DISP1: variants seen among roughly 807,000 people sequenced by gnomAD.
The protein encoded by DISP1 is protein dispatched homolog 1.
In DISP1, 30 loss-of-function variants were observed where a neutral mutation model predicts 37.3. That is an observed-to-expected ratio of 0.80 (90% CI 0.60 to 1.09). The LOEUF (loss-of-function observed/expected upper bound fraction) is 1.09, where lower values mean the gene tolerates loss of function less well. Among genes scored for constraint, DISP1 ranks in the 50% least tolerant of loss-of-function variants. DISP1 has a pLI of 0.00. For missense variants in DISP1, 1,598 were observed against 1,879.5 expected, an observed-to-expected ratio of 0.85 and a Z score of 2.77; for synonymous variants, 634 against 690.2, an observed-to-expected ratio of 0.92 and a Z score of 1.28.
At chr1:222,863,893 G>T (rs1669023028) in intron 1 of DISP1, among the ~76,000 whole-genome samples, 1 of 152,042 alleles carries the variant, frequency 6.6e-6, no homozygotes, top group Non-Finnish European at 1.5e-5. Context: ...AGATAGTCTA[G>T]GTCCTTCCTG....
chr1:222,835,988 G>C (rs550784614), intron 1 of DISP1, among the ~76,000 whole-genome samples: 14 of 150,600 alleles, frequency 9.3e-5, no homozygotes, highest in African/African-American at 2.7e-4. Flanking sequence ...GCTTAATTCA[G>C]CAGACTTCCT....
At chr1:222,855,920 C>T (rs1164753406) in intron 1 of DISP1, among the ~76,000 whole-genome samples, 1 of 144,346 alleles carries the variant, frequency 6.9e-6, no homozygotes. Context: ...AAAAAAAATG[C>T]AGCTGCTTGC....
At chr1:222,982,957 C>A in intron 3 of DISP1, 123 bp from the exon 4 acceptor site, 2 of 754,032 alleles carry the variant, frequency 2.7e-6, no homozygotes, top group African/African-American at 1.8e-5. Context: ...TTTAACACTT[C>A]CAAGATTCTT....
At chr1:222,916,367 A>G (rs886193217) in intron 1 of DISP1, among the ~76,000 whole-genome samples, 3 of 152,226 alleles carry the variant, frequency 2.0e-5, no homozygotes, top group African/African-American at 7.2e-5. Flanking sequence ...TCTGGCTAAC[A>G]GCCCAGTAAA....
chr1:222,991,704 C>T lies in DISP1; in HGVS notation c.791+57C>T, dbSNP rs377621902. 89 of 1,557,702 alleles carry T rather than the reference C, an allele frequency of 5.7e-5. No individual in the cohort carries two copies. The African/African-American group carries it at 1.0e-3, about 18-fold the overall frequency. On this transcript the variant is annotated intron_variant, in intron 6 of 8. Coordinates refer to ENST00000675850, the MANE Select transcript of DISP1 (RefSeq NM_001377229.1). ...AGACAAAACATTGCTGAATGAATTC[C>T]TCTTCAAATACTGCCTAAACAAAAA... is the stretch of plus-strand genomic sequence containing the variant.
chr1:222,911,012 G>A (rs1203745986), intron 1 of DISP1, among the ~76,000 whole-genome samples: 1 of 152,152 alleles, frequency 6.6e-6, no homozygotes, highest in African/African-American at 2.4e-5. Flanking sequence ...TTCCAGGCAA[G>A]CCCTAGCAAT....
intron 8 of DISP1, among the ~76,000 whole-genome samples, chr1:222,998,307 G>A (rs79677525): frequency 0.031 from 4,623 of 150,878 alleles, 116 homozygotes; most frequent in Non-Finnish European, 0.042. Context: ...TAAATGGGGC[G>A]CAACCAAGCA....
chr1:222,887,526 C>G (rs1183772194), intron 1 of DISP1, among the ~76,000 whole-genome samples: 4 of 82,606 alleles, frequency 4.8e-5, no homozygotes, highest in Non-Finnish European at 9.4e-5. Flanking sequence ...GAGTCTCGCT[C>G]TGTTGCCCAG....
intron 1 of DISP1, among the ~76,000 whole-genome samples, chr1:222,852,333 T>C (rs533567938): frequency 6.6e-6 from 1 of 152,162 alleles, no homozygotes; most frequent in South Asian, 2.1e-4. Context: ...AGTTGTTTTT[T>C]GTTTGTTTGT....
rs368087004 is a variant in DISP1, at chr1:222,868,024, G to A, written c.-159+52946G>A. Among the ~76,000 whole-genome samples, 133 of 152,198 alleles carry A rather than the reference G, an allele frequency of 8.7e-4. 1 individual carries two copies. The South Asian group carries it at 0.019, about 22-fold the overall frequency. ...TCTGAACCTCTATCAAGAGGAGGGC[G>A]AATGATTAGGAGGATACTAAATTAT... On this transcript the variant is annotated intron_variant, in intron 1 of 8. Transcript: ENST00000675850.
chr1:222,882,165 C>T (rs2125368703), intron 1 of DISP1, among the ~76,000 whole-genome samples: 1 of 152,154 alleles, frequency 6.6e-6, no homozygotes, highest in African/African-American at 2.4e-5. Flanking sequence ...TGGAGATGTC[C>T]TAGATTTTCT....
At chr1:222,915,980 G>T (rs1424282183) in intron 1 of DISP1, among the ~76,000 whole-genome samples, 2 of 152,054 alleles carry the variant, frequency 1.3e-5, no homozygotes, top group African/African-American at 2.4e-5. Flanking sequence ...TAACCTATTT[G>T]TCATGGCAAT....
intron 1 of DISP1, among the ~76,000 whole-genome samples, chr1:222,892,055 G>T (rs1038993063): frequency 6.6e-6 from 1 of 152,064 alleles, no homozygotes; most frequent in Non-Finnish European, 1.5e-5. Context: ...TAAGAGAAGT[G>T]TTCCCATTTA....
At chr1:222,872,724 A>T (rs181015559) in intron 1 of DISP1, among the ~76,000 whole-genome samples, 15 of 152,284 alleles carry the variant, frequency 9.9e-5, no homozygotes, top group Admixed American at 9.2e-4. Flanking sequence ...TCAAAAAACC[A>T]GCTCCTGGAT....
Position 223,004,472 on chromosome 1 carries a change from T to C in DISP1, c.3075T>C (p.Gly1025=). The part of the protein sequence containing the change: ...SIAGTIFVTV[G]SLVLLGWELN... ...CTGGAACGATATTTGTCACTGTTGG[T>C]TCTCTTGTCCTGCTGGGCTGGGAGC... The change falls in exon 9 of 9, where the codon GGT becomes GGC. Residue 1025 remains glycine (G), a synonymous_variant. Coordinates refer to ENST00000675850, the MANE Select transcript of DISP1 (RefSeq NM_001377229.1). The surrounding 1 kb of genome is among the most constrained non-coding windows in gnomAD (Gnocchi z 4.9). 1 of 1,614,222 alleles carries C rather than the reference T, an allele frequency of 6.2e-7. No homozygotes were observed. The highest frequency in any genetic ancestry group is 8.5e-7 in the Non-Finnish European group (1 of 1,180,036).
In DISP1 at chr1:223,004,993, C is replaced by T. The variant is rs755310780; in HGVS notation, c.3596C>T (p.Ser1199Phe). The part of the protein sequence containing the change: ...HEFYELEPLA[S>F]HSCTAPEKTT... The stretch of plus-strand genomic sequence containing the variant: ...TTTTATGAATTAGAACCTCTGGCTT[C>T]CCACAGCTGCACTGCCCCTGAGAAG... The change falls in exon 9 of 9, where the codon TCC becomes TTC. Residue 1199 changes from serine (S) to phenylalanine (F), a missense_variant. Ser to Phe is a radical substitution (Grantham distance 155, BLOSUM62 -2). Coordinates refer to ENST00000675850, the MANE Select transcript of DISP1 (RefSeq NM_001377229.1). The surrounding 1 kb of genome is among the most constrained non-coding windows in gnomAD (Gnocchi z 4.9). 2 of 1,614,022 alleles carry T rather than the reference C, an allele frequency of 1.2e-6. No homozygotes were observed. The highest frequency in any genetic ancestry group is 1.3e-5 in the African/African-American group (1 of 74,916).
At chr1:222,987,045 G>GGA (rs1553254969) in intron 4 of DISP1, among the ~76,000 whole-genome samples, 6 of 125,896 alleles carry the variant, frequency 4.8e-5, no homozygotes, top group Admixed American at 3.3e-4. Flanking sequence ...CACAGGATAT[G>GGA]GATATATATA....
intron 1 of DISP1, among the ~76,000 whole-genome samples, chr1:222,840,701 T>G (rs1313913379): frequency 1.3e-5 from 2 of 151,420 alleles, no homozygotes; most frequent in Non-Finnish European, 2.9e-5. Flanking sequence ...TAGCTGGGAC[T>G]ACAGGTGCCC....
At chr1:222,823,025 A>C (rs1300689460) in intron 1 of DISP1, among the ~76,000 whole-genome samples, 4 of 152,236 alleles carry the variant, frequency 2.6e-5, no homozygotes, top group Admixed American at 1.3e-4. Context: ...TGATAGACCT[A>C]ATTCCAAATT....
Sources: gnomAD v4.1 joint callset for allele counts (sites outside exome capture counted in the v4.1 genomes callset) on GRCh38, gnomAD v4.1.1 for gene constraint, Gnocchi (gnomAD v3.1) non-coding constraint, MANE v1.5 for transcripts, NCBI Gene and HGNC (gene_info 2026-07-23, HGNC 2026-07-21) for gene names.